Variants in GPC5 observed in about 807,000 individuals in gnomAD.
The protein encoded by GPC5 is glypican-5.
A neutral mutation model predicts 53.9 loss-of-function variants in GPC5; 47 were observed. The ratio of observed to expected loss-of-function variants is 0.87; its 90% confidence interval spans 0.69 to 1.11. The LOEUF (loss-of-function observed/expected upper bound fraction) is 1.11. GPC5 is among the 50% of genes most tolerant of loss of function. GPC5 has a pLI of 0.00. For synonymous variants in GPC5, 286 were observed against 263.3 expected, an observed-to-expected ratio of 1.09 and a Z score of -0.84; for missense variants, 748 against 713.1, an observed-to-expected ratio of 1.05 and a Z score of -0.56.
intron 7 of GPC5, among the ~76,000 whole-genome samples, chr13:92,242,453 T>C (rs2042620250): frequency 2.0e-5 from 3 of 152,114 alleles, no homozygotes; most frequent in Admixed American, 6.6e-5. Context: ...TCTGATCCTA[T>C]TTTTTAAGAG....
intron 7 of GPC5, among the ~76,000 whole-genome samples, chr13:92,630,407 T>G (rs560532591): frequency 3.3e-5 from 5 of 152,300 alleles, no homozygotes; most frequent in African/African-American, 4.8e-5. Context: ...CTATTCTTAT[T>G]AGCACATTAT....
At chr13:92,396,440 T>C (rs936345527) in intron 7 of GPC5, among the ~76,000 whole-genome samples, 3 of 152,138 alleles carry the variant, frequency 2.0e-5, no homozygotes, top group Admixed American at 2.0e-4. Context: ...TTATGTTACC[T>C]ATCTGATGAG....
chr13:91,642,747 C>A, intron 2 of GPC5, among the ~76,000 whole-genome samples: 1 of 145,660 alleles, frequency 6.9e-6, no homozygotes, highest in African/African-American at 2.6e-5. Context: ...GAGGCTGGAG[C>A]ATATTTTATT....
rs1004539244 is a variant in GPC5, at chr13:92,362,702, T to C, written c.1561+217713T>C. Among the ~76,000 whole-genome samples, 7 of 151,828 alleles carry C rather than the reference T, an allele frequency of 4.6e-5. 1 individual carries two copies. Among genetic ancestry groups the C allele is most frequent in the African/African-American group, 1.5e-4 (6 of 41,072 alleles). Reference sequence around the variant, plus strand: ...TTGCCAGGAACCCAAGTGCAAGTCTTAGAAGGTCTTGAAAACATAGGAAAC... The same window carrying C: ...TTGCCAGGAACCCAAGTGCAAGTCTCAGAAGGTCTTGAAAACATAGGAAAC... On this transcript the variant is annotated intron_variant, in intron 7 of 7. Coordinates refer to ENST00000377067, the MANE Select transcript of GPC5 (RefSeq NM_004466.6).
intron 2 of GPC5, among the ~76,000 whole-genome samples, chr13:91,568,966 G>T (rs1452178622): frequency 6.6e-6 from 1 of 152,002 alleles, no homozygotes; most frequent in African/African-American, 2.4e-5. Context: ...GGCCAGGCTG[G>T]TCTTAAACTC....
At chr13:91,975,436 C>A (rs1027914441) in intron 6 of GPC5, among the ~76,000 whole-genome samples, 5 of 152,028 alleles carry the variant, frequency 3.3e-5, no homozygotes, top group Admixed American at 3.3e-4. Context: ...AAAAAACAAA[C>A]AACCCCATCA....
intron 7 of GPC5, among the ~76,000 whole-genome samples, chr13:92,430,009 C>T (rs1457119501): frequency 5.3e-5 from 8 of 150,628 alleles, no homozygotes; most frequent in Non-Finnish European, 7.4e-5. Flanking sequence ...AGTGAGGTAA[C>T]GCATATGTTA....
chr13:91,680,676 A>G (rs34526593), intron 2 of GPC5, among the ~76,000 whole-genome samples: 1 of 152,228 alleles, frequency 6.6e-6, no homozygotes, highest in East Asian at 1.9e-4. Flanking sequence ...AACAATGTTA[A>G]CAATGATCTG....
At chr13:92,000,862 C>T (rs1398336820) in intron 6 of GPC5, among the ~76,000 whole-genome samples, 3 of 152,266 alleles carry the variant, frequency 2.0e-5, no homozygotes, top group East Asian at 1.9e-4. Context: ...CAATGTTACA[C>T]GCCATGCCAT....
intron 2 of GPC5, among the ~76,000 whole-genome samples, chr13:91,619,300 AC>A (rs371841660): frequency 1.1e-3 from 161 of 152,098 alleles, no homozygotes; most frequent in African/African-American, 3.8e-3. Flanking sequence ...CATGTCCAAG[AC>A]CCATTTATTT....
intron 7 of GPC5, among the ~76,000 whole-genome samples, chr13:92,586,589 G>A (rs984262337): frequency 2.0e-5 from 3 of 152,172 alleles, no homozygotes; most frequent in South Asian, 2.1e-4. Context: ...CAACAAAGAC[G>A]ACTGAAGAAA....
chr13:91,930,600 A>G (rs1033509861), intron 6 of GPC5, among the ~76,000 whole-genome samples: 2 of 152,054 alleles, frequency 1.3e-5, no homozygotes, highest in African/African-American at 2.4e-5. Flanking sequence ...AAAAAAAATG[A>G]CAGTTTTATG....
chr13:91,909,080 A>G (rs1194074155), intron 6 of GPC5, among the ~76,000 whole-genome samples: 2 of 152,198 alleles, frequency 1.3e-5, no homozygotes, highest in African/African-American at 4.8e-5. Flanking sequence ...GTCCAATACC[A>G]TAGATTTCTC....
intron 5 of GPC5, among the ~76,000 whole-genome samples, chr13:91,866,271 C>T (rs1264114747): frequency 6.6e-6 from 1 of 152,160 alleles, no homozygotes; most frequent in Non-Finnish European, 1.5e-5. Flanking sequence ...TGGCATTTCT[C>T]AAAAAGGCCA....
intron 7 of GPC5, among the ~76,000 whole-genome samples, chr13:92,293,608 G>GT (rs752997753): frequency 6.6e-6 from 1 of 151,830 alleles, no homozygotes; most frequent in Non-Finnish European, 1.5e-5. Flanking sequence ...AGTCTTTAGG[G>GT]TTTTCTAGGT....
intron 7 of GPC5, among the ~76,000 whole-genome samples, chr13:92,601,554 CAAAA>C (rs57333686): frequency 1.5e-5 from 1 of 67,390 alleles, no homozygotes; most frequent in Non-Finnish European, 3.2e-5. Context: ...GACTCCATCT[CAAAA>C]AAAAAAAAAA....
chr13:91,562,188 TAA>T (rs10603242), intron 2 of GPC5, among the ~76,000 whole-genome samples: 4,084 of 45,170 alleles, frequency 0.09, 87 homozygotes, highest in Non-Finnish European at 0.099. Context: ...GGAGCAACAG[TAA>T]AAAAAAAAAA....
intron 1 of GPC5, among the ~76,000 whole-genome samples, chr13:91,441,438 C>A (rs909147084): frequency 3.2e-4 from 49 of 152,150 alleles, no homozygotes; most frequent in African/African-American, 1.1e-3. Context: ...GGCTAGATTT[C>A]TTTATATTGC....
chr13:91,714,978 G>C (rs887177217), intron 3 of GPC5, among the ~76,000 whole-genome samples: 2 of 152,358 alleles, frequency 1.3e-5, no homozygotes, highest in Admixed American at 6.5e-5. Context: ...TAGGCAATGT[G>C]TTGAGAGTAG....
Sources: gnomAD v4.1 joint callset for allele counts (sites outside exome capture counted in the v4.1 genomes callset) on GRCh38, gnomAD v4.1.1 for gene constraint, MANE v1.5 for transcripts, NCBI Gene and HGNC (gene_info 2026-07-23, HGNC 2026-07-21) for gene names.